DISC1: variants seen among roughly 807,000 people sequenced by gnomAD.
The protein encoded by DISC1 is DISC1 scaffold protein.
In DISC1, 57 loss-of-function variants were observed where a neutral mutation model predicts 84.5. The ratio of observed to expected loss-of-function variants is 0.67; its 90% CI spans 0.55 to 0.84. DISC1 has a LOEUF of 0.84. Among genes scored for constraint, DISC1 ranks in the 40% least tolerant of loss-of-function variants. DISC1 has a pLI of 0.00. For synonymous variants in DISC1, 411 were observed against 415.2 expected (o/e 0.99, Z 0.12); for missense variants, 1,000 against 1,057.8 (o/e 0.95, Z 0.76).
At chr1:231,688,185 C>T (rs1397691984) in intron 1 of DISC1, among the ~76,000 whole-genome samples, 4 of 152,114 alleles carry the variant, frequency 2.6e-5, no homozygotes. Context: ...AGAACCTTCT[C>T]TTTGTTCCTT....
intron 9 of DISC1, among the ~76,000 whole-genome samples, chr1:231,901,659 A>G (rs199663974): frequency 6.6e-6 from 1 of 152,152 alleles, no homozygotes; most frequent in Non-Finnish European, 1.5e-5. Flanking sequence ...TCTGACCCAA[A>G]TGCAATGATG....
rs1244421229 is a variant in DISC1, at chr1:231,767,122, G to A, written c.1269-18G>A. On this transcript the variant is annotated intron_variant, in intron 4 of 12. Coordinates refer to ENST00000439617, the MANE Select transcript of DISC1 (RefSeq NM_018662.3). ...CAGCTTCTGCATACCTGTACCAATA[G>A]GTATGTGTTGTTTTAAGGGCCAGCG... 2.5e-6 allele frequency: 4 copies of A among 1,613,734 alleles called. No homozygotes were observed. Among genetic ancestry groups the A allele is most frequent in the Middle Eastern group, 1.6e-4 (1 of 6,080 alleles).
intron 9 of DISC1, among the ~76,000 whole-genome samples, chr1:231,873,010 G>A (rs72760447): frequency 0.056 from 8,515 of 152,294 alleles, 328 homozygotes; most frequent in Admixed American, 0.077. Flanking sequence ...CATCCGTCAG[G>A]AGTTTGTCTA....
chr1:231,759,551 A>AC (rs56016312), intron 4 of DISC1, among the ~76,000 whole-genome samples: 50 of 139,748 alleles, frequency 3.6e-4, no homozygotes, highest in Non-Finnish European at 6.1e-4. Flanking sequence ...AAAAAAAAAA[A>AC]CAAAACTAGC....
intron 6 of DISC1, chr1:231,774,694 A>T (rs1478936295): frequency 2.2e-6 from 1 of 456,072 alleles, no homozygotes; most frequent in East Asian, 6.9e-5. Flanking sequence ...GAAACCCGTC[A>T]TCAATATTTG....
Position 231,996,334 on chromosome 1 carries a change from T to G in DISC1, c.2043-12451T>G, listed in dbSNP as rs1300221362. Among the ~76,000 whole-genome samples the G allele has an allele frequency of 2.0e-5, 3 of 152,322 alleles. No individual in the cohort carries two copies. The East Asian group carries it at 5.8e-4, about 29-fold the overall frequency. ...GTAGCTTCTTTTGCTGTGCAGAAGCTCTTTAGTTTAATTAGATCCCATTTG... is the reference window on the plus strand; with the variant it reads ...GTAGCTTCTTTTGCTGTGCAGAAGCGCTTTAGTTTAATTAGATCCCATTTG... On this transcript the variant is annotated intron_variant, in intron 10 of 12. Transcript: ENST00000439617.
chr1:231,648,046 T>C (rs2060284636), intron 1 of DISC1, among the ~76,000 whole-genome samples: 1 of 152,268 alleles, frequency 6.6e-6, no homozygotes, highest in Admixed American at 6.5e-5. Context: ...TGGAATACTC[T>C]TTATTTCTTT....
chr1:231,957,419 T>C (rs1248864031), intron 9 of DISC1, among the ~76,000 whole-genome samples: 3 of 152,204 alleles, frequency 2.0e-5, no homozygotes, highest in East Asian at 3.9e-4. Flanking sequence ...TTCTAATGTT[T>C]TATGGAATTT....
At chr1:231,855,329 A>AT (rs2084193840) in intron 9 of DISC1, 1 of 954,812 alleles carries the variant, frequency 1.0e-6, no homozygotes, top group African/African-American at 1.8e-5. Context: ...AATACATACA[A>AT]TTTTTGTCAA....
At chr1:231,762,463 T>TA (rs1360637526) in intron 4 of DISC1, among the ~76,000 whole-genome samples, 1 of 150,232 alleles carries the variant, frequency 6.7e-6, no homozygotes, top group Non-Finnish European at 1.5e-5. Context: ...GCCTCCCAAG[T>TA]AGCTGGGACT....
chr1:231,992,095 T>A (rs140996568), intron 10 of DISC1, among the ~76,000 whole-genome samples: 8 of 152,346 alleles, frequency 5.3e-5, no homozygotes, highest in African/African-American at 1.9e-4. Context: ...TTTTACCTTG[T>A]CTGAATATTC....
intron 1 of DISC1, among the ~76,000 whole-genome samples, chr1:231,646,367 T>C (rs1572459550): frequency 6.6e-6 from 1 of 151,936 alleles, no homozygotes; most frequent in Admixed American, 6.6e-5. Context: ...TATTCCATGG[T>C]GTATATGTGC....
intron 9 of DISC1, among the ~76,000 whole-genome samples, chr1:231,885,540 A>G (rs2086621291): frequency 6.6e-6 from 1 of 152,232 alleles, no homozygotes; most frequent in Non-Finnish European, 1.5e-5. Flanking sequence ...GGGCAATGAA[A>G]GCCTCAGCTG....
chr1:231,816,088 G>A (rs972766489), intron 8 of DISC1, among the ~76,000 whole-genome samples: 2 of 152,234 alleles, frequency 1.3e-5, no homozygotes, highest in Non-Finnish European at 2.9e-5. Context: ...GAGAGTTCCA[G>A]TTGCTCCATA....
chr1:231,832,586 A>G (rs2082318250), intron 9 of DISC1, among the ~76,000 whole-genome samples: 2 of 151,652 alleles, frequency 1.3e-5, no homozygotes, highest in Admixed American at 1.3e-4. Flanking sequence ...GTGGCAGTAC[A>G]GCCCAGGTAA....
At chr1:231,958,076 C>T (rs906076988) in intron 9 of DISC1, among the ~76,000 whole-genome samples, 3 of 152,170 alleles carry the variant, frequency 2.0e-5, no homozygotes, top group African/African-American at 7.2e-5. Flanking sequence ...GCTAGAAACC[C>T]CTTGGCTGCA....
intron 9 of DISC1, among the ~76,000 whole-genome samples, chr1:231,886,783 CTT>C (rs770963650): frequency 1.3e-4 from 17 of 129,976 alleles, no homozygotes; most frequent in Middle Eastern, 3.4e-3. Flanking sequence ...TTCTTTCTTT[CTT>C]TCTTTCTTTC....
rs1181408909 is a variant in DISC1, at chr1:232,039,391, G to A, written c.*2560G>A. 1 of 152,214 alleles carries A rather than the reference G, an allele frequency of 6.6e-6. No homozygotes were observed. The highest frequency in any genetic ancestry group is 2.1e-4 in the South Asian group (1 of 4,830). The allele number at this position is 152,214 out of a possible 1,614,324, so 9.4% of individuals were successfully genotyped here. The stretch of plus-strand genomic sequence containing the variant: ...CATGATGTATTTGAAAATTCTGCAA[G>A]TTAATAACTGCCTTGAATTGTTTGA... On this transcript the variant is annotated 3_prime_UTR_variant, in exon 13 of 13. Transcript: ENST00000439617.
At chr1:231,770,624 G>A (rs2076485784) in intron 5 of DISC1, among the ~76,000 whole-genome samples, 1 of 152,108 alleles carries the variant, frequency 6.6e-6, no homozygotes, top group Non-Finnish European at 1.5e-5. Context: ...GCTTGGGAGG[G>A]AATGTTTTTC....
Sources: gnomAD v4.1 joint callset for allele counts (sites outside exome capture counted in the v4.1 genomes callset) on GRCh38, gnomAD v4.1.1 for gene constraint, MANE v1.5 for transcripts, NCBI Gene and HGNC (gene_info 2026-07-23, HGNC 2026-07-21) for gene names.